Variants in TOGARAM1 observed in about 807,000 individuals in gnomAD.
TOGARAM1 encodes the protein TOG array regulator of axonemal microtubules 1, also known as TOG array regulator of axonemal microtubules protein 1.
A neutral mutation model predicts 166.6 loss-of-function variants in TOGARAM1; 100 were observed. That is an observed-to-expected ratio of 0.60 (90% confidence interval 0.51 to 0.71). The LOEUF is 0.71. Ranked by LOEUF, TOGARAM1 falls within the 30% of genes least tolerant of loss-of-function variation. TOGARAM1 has a pLI of 0.00. For synonymous variants in TOGARAM1, 758 were observed against 763.8 expected, an observed-to-expected ratio of 0.99 and a Z score of 0.13; for missense variants, 2,029 against 2,102.7, an observed-to-expected ratio of 0.96 and a Z score of 0.69.
chr14:45,031,047 A>G (rs1335414752), intron 10 of TOGARAM1, among the ~76,000 whole-genome samples: 1 of 152,212 alleles, frequency 6.6e-6, no homozygotes, highest in Non-Finnish European at 1.5e-5. Context: ...TTGCCTTTGG[A>G]TTTTAAATGA....
At chr14:44,979,748 T>C (rs1172507362) in intron 1 of TOGARAM1, among the ~76,000 whole-genome samples, 2 of 152,230 alleles carry the variant, frequency 1.3e-5, no homozygotes, top group African/African-American at 4.8e-5. Context: ...CTCTTTTCTC[T>C]GTACAGATTT....
At position 45,027,258 on chromosome 14, in the gene TOGARAM1, CATAATTAGTTAATGACTATTTG is replaced by C; in HGVS notation, c.3329-40_3329-19del. Reference sequence around the variant, plus strand: ...AACTTTGTTGTCTAGAGTACCATCACATAATTAGTTAATGACTATTTGGTGGTTGGTTGATTTCAGGCGTATT... The same window carrying C: ...AACTTTGTTGTCTAGAGTACCATCACGTGGTTGGTTGATTTCAGGCGTATT... On this transcript the variant is annotated intron_variant, in intron 8 of 19. Transcript: ENST00000361462. 1 of 1,601,866 alleles carries C rather than the reference CATAATTAGTTAATGACTATTTG, an allele frequency of 6.2e-7. No homozygotes were observed. The highest frequency in any genetic ancestry group is 1.1e-5 in the South Asian group (1 of 88,642).
intron 7 of TOGARAM1, among the ~76,000 whole-genome samples, chr14:45,014,491 T>C (rs919123499): frequency 6.6e-6 from 1 of 152,208 alleles, no homozygotes; most frequent in Non-Finnish European, 1.5e-5. Flanking sequence ...TTTCTCAAAA[T>C]AAGTTGCTAA....
intron 13 of TOGARAM1, among the ~76,000 whole-genome samples, chr14:45,045,638 C>CACACATATATATGTGT (rs1566660835): frequency 1.9e-4 from 10 of 52,980 alleles, no homozygotes; most frequent in African/African-American, 6.2e-4. Context: ...TATATATATA[C>CACACATATATATGTGT]ATATATATAC....
intron 14 of TOGARAM1, among the ~76,000 whole-genome samples, chr14:45,048,266 C>G (rs924861931): frequency 3.6e-5 from 5 of 137,684 alleles, no homozygotes; most frequent in African/African-American, 1.4e-4. Context: ...GCAGGAGAAT[C>G]TCTTCAGCCA....
chr14:44,970,321 A>T (rs73348285), intron 1 of TOGARAM1, among the ~76,000 whole-genome samples: 1 of 152,096 alleles, frequency 6.6e-6, no homozygotes, highest in Non-Finnish European at 1.5e-5. Context: ...ATTTTTTTTA[A>T]ATTTCAAATT....
intron 1 of TOGARAM1, among the ~76,000 whole-genome samples, chr14:44,989,055 A>G (rs1239755562): frequency 6.6e-6 from 1 of 152,248 alleles, no homozygotes; most frequent in African/African-American, 2.4e-5. Context: ...AAAAAGAGAT[A>G]ACAAGTGTTT....
chr14:45,025,920 G>T lies in TOGARAM1; in HGVS notation c.3328+48G>T, dbSNP rs749182496. 7.4e-6 allele frequency: 7 copies of T among 951,430 alleles called. No homozygotes were observed. The Admixed American group carries it at 8.1e-5, about 11-fold the overall frequency. 58.9% of individuals were successfully genotyped at this position (951,430 alleles called of 1,614,324 possible). A position where few individuals can be genotyped will look rare whatever the true frequency, so the allele number is the denominator to read the frequency against. On this transcript the variant is annotated intron_variant, in intron 8 of 19. Coordinates refer to ENST00000361462, the MANE Select transcript of TOGARAM1 (RefSeq NM_001308120.2). ...CTTAATTATATGTATTCATCATATAGAAGCAAAGCCTATCAATAAGGAATA... is the reference window on the plus strand; with the variant it reads ...CTTAATTATATGTATTCATCATATATAAGCAAAGCCTATCAATAAGGAATA...
chr14:45,015,854 G>A (rs1305412754), intron 7 of TOGARAM1, among the ~76,000 whole-genome samples: 1 of 152,080 alleles, frequency 6.6e-6, no homozygotes, highest in Non-Finnish European at 1.5e-5. Flanking sequence ...AGTGAAGCCA[G>A]TACAGAAGGT....
At chr14:44,971,963 T>C (rs1885907629) in intron 1 of TOGARAM1, among the ~76,000 whole-genome samples, 1 of 151,956 alleles carries the variant, frequency 6.6e-6, no homozygotes, top group South Asian at 2.1e-4. Context: ...TTTACAATTA[T>C]GGCAGAAAGT....
At chr14:45,064,228 T>C (rs892210445) in intron 16 of TOGARAM1, among the ~76,000 whole-genome samples, 1 of 152,150 alleles carries the variant, frequency 6.6e-6, no homozygotes, top group African/African-American at 2.4e-5. Flanking sequence ...GAAAATAATT[T>C]TTCTTTAATG....
intron 1 of TOGARAM1, among the ~76,000 whole-genome samples, chr14:44,985,419 C>A (rs938965671): frequency 6.6e-6 from 1 of 152,142 alleles, no homozygotes. Flanking sequence ...GAATCAGGGA[C>A]CAGTTTCATG....
chr14:44,962,474 C>CT lies in TOGARAM1; in HGVS notation c.54dup (p.Thr19TyrfsTer17). On this transcript the variant is annotated frameshift_variant, in exon 1 of 20. Coordinates refer to ENST00000361462, the MANE Select transcript of TOGARAM1 (RefSeq NM_001308120.2). LOFTEE classifies it high-confidence loss of function. ...CTGCTGCCGCCCTTTCCAGTCCTCT[C>CT]TACCTATCGGCTCCAGAGCCGCAGT... is the stretch of plus-strand genomic sequence containing the variant. 1.2e-6 allele frequency: 2 copies of CT among 1,606,616 alleles called. No individual in the cohort carries two copies. Among genetic ancestry groups the CT allele is most frequent in the Non-Finnish European group, 1.7e-6 (2 of 1,176,898 alleles).
At chr14:45,031,482 T>C (rs1169145508) in intron 10 of TOGARAM1, among the ~76,000 whole-genome samples, 6 of 152,180 alleles carry the variant, frequency 3.9e-5, no homozygotes, top group Admixed American at 2.0e-4. Flanking sequence ...ACTAATTCTA[T>C]ATCGATAGAG....
In TOGARAM1 at chr14:45,044,782, A is replaced by C. The variant is rs764293034; in HGVS notation, c.4066A>C (p.Arg1356=). 6.2e-7 allele frequency: 1 copy of C among 1,614,138 alleles called. No homozygotes were observed. The highest frequency in any genetic ancestry group is 2.2e-5 in the East Asian group (1 of 44,862). ...GGCTGGTGAATCAAATACATTTATA[A>C]GAGAAGATGTTGACAAAGCATTGAG... The part of the protein sequence containing the change: ...HKAGESNTFI[R]EDVDKALRAM... Residue 1356 remains arginine (R), a synonymous_variant, in exon 13 of 20, where the codon AGA becomes CGA. Transcript: ENST00000361462.
chr14:44,967,813 A>G (rs1004635572), intron 1 of TOGARAM1, among the ~76,000 whole-genome samples: 1 of 152,204 alleles, frequency 6.6e-6, no homozygotes, highest in Non-Finnish European at 1.5e-5. Context: ...AGTGTTCTCT[A>G]TGGTTCCTTT....
intron 14 of TOGARAM1, among the ~76,000 whole-genome samples, chr14:45,050,332 T>C (rs1882299133): frequency 6.6e-6 from 1 of 152,088 alleles, no homozygotes; most frequent in South Asian, 2.1e-4. Flanking sequence ...GGCTCACTGC[T>C]ACCTCCGCCT....
intron 1 of TOGARAM1, among the ~76,000 whole-genome samples, chr14:44,966,433 A>T (rs2138711772): frequency 6.6e-6 from 1 of 152,166 alleles, no homozygotes. Flanking sequence ...AGATCACACC[A>T]CTGTACCCCA....
chr14:44,974,181 G>T (rs1261372552), intron 1 of TOGARAM1, among the ~76,000 whole-genome samples: 1 of 151,714 alleles, frequency 6.6e-6, no homozygotes, highest in Non-Finnish European at 1.5e-5. Context: ...CACAGTTCTT[G>T]TATATTCTCT....
Sources: gnomAD v4.1 joint callset for allele counts (sites outside exome capture counted in the v4.1 genomes callset) on GRCh38, gnomAD v4.1.1 for gene constraint, MANE v1.5 for transcripts, NCBI Gene and HGNC (gene_info 2026-07-23, HGNC 2026-07-21) for gene names.